The following SLC7A2 variants were observed in gnomAD, a reference collection of about 807,000 sequenced individuals.
SLC7A2 encodes solute carrier family 7 member 2.
In SLC7A2, 48 loss-of-function variants were observed where a neutral mutation model predicts 58.9. The ratio of observed to expected loss-of-function variants is 0.82; its 90% CI spans 0.65 to 1.04. The LOEUF is 1.04. Among genes scored for constraint, SLC7A2 ranks in the 50% least tolerant of loss-of-function variants. SLC7A2 has a pLI of 0.00. For missense variants in SLC7A2, 1,029 were observed against 818.8 expected (o/e 1.26, Z -3.13); for synonymous variants, 363 against 314.5 (o/e 1.15, Z -1.63).
intron 2 of SLC7A2, among the ~76,000 whole-genome samples, chr8:17,531,873 G>A (rs553611639): frequency 6.6e-6 from 1 of 152,030 alleles, no homozygotes; most frequent in Non-Finnish European, 1.5e-5. Context: ...AGAAGTGACT[G>A]ATTAAATAAA....
intron 2 of SLC7A2, among the ~76,000 whole-genome samples, chr8:17,507,441 T>C (rs1376753906): frequency 6.6e-6 from 1 of 152,138 alleles, no homozygotes; most frequent in Non-Finnish European, 1.5e-5. Flanking sequence ...TTTGAACTCC[T>C]GGCCTCAAAT....
rs1176186100 is a variant in SLC7A2, at chr8:17,565,097, G to A, written c.1928G>A (p.Arg643Lys). 2 of 1,613,732 alleles carry A rather than the reference G, an allele frequency of 1.2e-6. No homozygotes were observed. Among genetic ancestry groups the A allele is most frequent in the African/African-American group, 2.7e-5 (2 of 74,882 alleles). The change falls in exon 13 of 13, where the codon AGA becomes AAA. Residue 643 changes from arginine (R) to lysine (K), a missense_variant. Coordinates refer to ENST00000494857, the MANE Select transcript of SLC7A2 (RefSeq NM_001370338.1). ...SAIQANDHHP[R>K]NLSSPFIFHE... ...ATTCAAGCAAATGACCATCACCCAA[G>A]AAATCTCAGTTCACCTTTCATATTC...
At chr8:17,505,444 G>C (rs55853817) in intron 2 of SLC7A2, among the ~76,000 whole-genome samples, 10,758 of 152,196 alleles carry the variant, frequency 0.071, 549 homozygotes, top group Non-Finnish European at 0.1. Context: ...CTGAGTCACA[G>C]AGGTATGACA....
Position 17,550,453 on chromosome 8 carries a change from C to T in SLC7A2, c.832+19C>T, listed in dbSNP as rs1384401165. The stretch of plus-strand genomic sequence containing the variant: ...ACAACTGGTAAGAGCAGTGTCTTGG[C>T]TCAGTGTAGAAGGAGTGTTCCTTGT... On this transcript the variant is annotated intron_variant, in intron 6 of 12. Transcript: ENST00000494857. 6.2e-7 allele frequency: 1 copy of T among 1,609,182 alleles called. No individual in the cohort carries two copies. Among genetic ancestry groups the T allele is most frequent in the Non-Finnish European group, 8.5e-7 (1 of 1,177,216 alleles).
chr8:17,504,035 C>T (rs1254836916), intron 2 of SLC7A2, among the ~76,000 whole-genome samples: 1 of 152,182 alleles, frequency 6.6e-6, no homozygotes, highest in African/African-American at 2.4e-5. Flanking sequence ...AGTGAAGTCA[C>T]ATTGGCTGTG....
intron 2 of SLC7A2, among the ~76,000 whole-genome samples, chr8:17,517,417 G>T (rs780396018): frequency 6.6e-6 from 1 of 152,166 alleles, no homozygotes; most frequent in Non-Finnish European, 1.5e-5. Flanking sequence ...GGTTAGAAAT[G>T]AACTGGATAA....
At chr8:17,525,600 G>A (rs995758408) in intron 2 of SLC7A2, among the ~76,000 whole-genome samples, 1 of 152,144 alleles carries the variant, frequency 6.6e-6, no homozygotes, top group African/African-American at 2.4e-5. Context: ...TTGTTTGCTA[G>A]GGTTTTAATT....
At chr8:17,495,906 T>C (rs1372827406), upstream of SLC7A2, among the ~76,000 whole-genome samples, 1 of 152,214 alleles carries the variant, frequency 6.6e-6, no homozygotes, top group East Asian at 1.9e-4. Context: ...CATTGAGATT[T>C]TGTGTGTGTG....
intron 1 of SLC7A2, among the ~76,000 whole-genome samples, chr8:17,501,159 GTGTGCCACCA>G (rs1563428302): frequency 6.6e-6 from 1 of 151,934 alleles, no homozygotes. Flanking sequence ...GATTACAGGC[GTGTGCCACCA>G]TGTTCGGCTA....
At chr8:17,546,539 T>C (rs1299186676) in intron 4 of SLC7A2, among the ~76,000 whole-genome samples, 1 of 152,234 alleles carries the variant, frequency 6.6e-6, no homozygotes, top group African/African-American at 2.4e-5. Flanking sequence ...ACAGTGCATA[T>C]ATGCTGTTGG....
At chr8:17,513,744 A>T (rs1800693929) in intron 2 of SLC7A2, among the ~76,000 whole-genome samples, 1 of 152,214 alleles carries the variant, frequency 6.6e-6, no homozygotes, top group African/African-American at 2.4e-5. Context: ...TGTGGAATCT[A>T]AGAAGCGAGG....
At chr8:17,514,300 G>A (rs544225406) in intron 2 of SLC7A2, among the ~76,000 whole-genome samples, 6 of 150,430 alleles carry the variant, frequency 4.0e-5, no homozygotes, top group African/African-American at 1.2e-4. Context: ...ACACGCATTT[G>A]AGTTGGGAGC....
intron 2 of SLC7A2, among the ~76,000 whole-genome samples, chr8:17,516,722 C>T (rs577764605): frequency 6.6e-6 from 1 of 152,218 alleles, no homozygotes; most frequent in Non-Finnish European, 1.5e-5. Flanking sequence ...GTCTCCCAGA[C>T]CCCTCACCCC....
intron 8 of SLC7A2, among the ~76,000 whole-genome samples, chr8:17,557,990 C>G (rs1255643275): frequency 2.6e-5 from 4 of 152,126 alleles, no homozygotes. Flanking sequence ...TCTGAAATAT[C>G]AATGACAGTG....
At chr8:17,518,502 A>T (rs1350762476) in intron 2 of SLC7A2, among the ~76,000 whole-genome samples, 2 of 152,136 alleles carry the variant, frequency 1.3e-5, no homozygotes, top group East Asian at 3.9e-4. Flanking sequence ...TGCTCATCAG[A>T]GCACTCTCCT....
upstream of SLC7A2, among the ~76,000 whole-genome samples, chr8:17,495,001 G>C (rs1799921332): frequency 6.6e-6 from 1 of 152,182 alleles, no homozygotes; most frequent in South Asian, 2.1e-4. Flanking sequence ...CCAAATTCCA[G>C]ATAAATTTGT....
chr8:17,556,158 C>G (rs957337373), intron 8 of SLC7A2, among the ~76,000 whole-genome samples: 2 of 152,098 alleles, frequency 1.3e-5, no homozygotes, highest in African/African-American at 2.4e-5. Flanking sequence ...TTCTGCCCCC[C>G]TAAAATGAAG....
chr8:17,558,621 A>T (rs939043704), intron 9 of SLC7A2, among the ~76,000 whole-genome samples: 11 of 152,210 alleles, frequency 7.2e-5, no homozygotes, highest in Non-Finnish European at 1.2e-4. Context: ...ATCTACATGA[A>T]AGGCAATTTC....
rs368583208 is a variant in SLC7A2, at chr8:17,502,233, C to T, written c.-68-24C>T. 8.6e-5 allele frequency: 13 copies of T among 151,932 alleles called. No individual in the cohort carries two copies. In the East Asian group the frequency reaches 2.3e-3, roughly 27 times the overall value. The allele number at this position is 151,932 out of a possible 1,614,324, so 9.4% of individuals were successfully genotyped here. ...GAAATCACATGAGTCCTTTAGTTAT[C>T]ACTCCCATCATTGCTTCTCCCAGCA... On this transcript the variant is annotated intron_variant, in intron 1 of 12. Coordinates refer to ENST00000494857, the MANE Select transcript of SLC7A2 (RefSeq NM_001370338.1).
Sources: gnomAD v4.1 joint callset for allele counts (sites outside exome capture counted in the v4.1 genomes callset) on GRCh38, gnomAD v4.1.1 for gene constraint, MANE v1.5 for transcripts, NCBI Gene and HGNC (gene_info 2026-07-23, HGNC 2026-07-21) for gene names.